The following KCNH1 variants were observed in gnomAD, a reference collection of about 807,000 sequenced individuals.
KCNH1 encodes potassium voltage-gated channel subfamily H member 1.
In KCNH1, 27 loss-of-function variants were observed where a neutral mutation model predicts 69.2. The ratio of observed to expected loss-of-function variants is 0.39; its 90% CI spans 0.29 to 0.54. KCNH1 has a LOEUF of 0.54. Among genes scored for constraint, KCNH1 ranks in the 20% least tolerant of loss-of-function variants. The pLI is 0.68. For synonymous variants in KCNH1, 456 were observed against 487.7 expected (o/e 0.93, Z 0.86); for missense variants, 798 against 1,261.6 (o/e 0.63, Z 5.57).
intron 7 of KCNH1, among the ~76,000 whole-genome samples, chr1:210,914,123 C>G (rs1397276927): frequency 6.6e-6 from 1 of 152,108 alleles, no homozygotes; most frequent in Non-Finnish European, 1.5e-5. Context: ...TTTGTTGATG[C>G]CACTTTTGGT....
chr1:210,980,416 A>C lies in KCNH1; in HGVS notation c.1032+38367T>G, dbSNP rs535055953. On this transcript the variant is annotated intron_variant, in intron 6 of 10. Transcript: ENST00000271751. Reference sequence around the variant, plus strand: ...TAACTTGCCCTAACAGGAGATTTACAGGCAGCATGATATTGAGAGCCTGAT... The same window carrying C: ...TAACTTGCCCTAACAGGAGATTTACCGGCAGCATGATATTGAGAGCCTGAT... Among the ~76,000 whole-genome samples the C allele has an allele frequency of 6.6e-5, 10 of 152,318 alleles. No individual in the cohort carries two copies. The South Asian group carries it at 1.9e-3, about 28-fold the overall frequency.
At chr1:210,719,576 A>G (rs1819677) in intron 10 of KCNH1, among the ~76,000 whole-genome samples, 32,713 of 151,936 alleles carry the variant, frequency 0.22, 4,390 homozygotes, top group African/African-American at 0.38. Flanking sequence ...GGAGAGCATT[A>G]GGACAAATAC....
intron 6 of KCNH1, among the ~76,000 whole-genome samples, chr1:210,983,183 T>C (rs772977336): frequency 6.6e-5 from 10 of 152,196 alleles, no homozygotes; most frequent in African/African-American, 2.2e-4. Context: ...ATTTGTCAGA[T>C]GAGTAGATTG....
intron 7 of KCNH1, among the ~76,000 whole-genome samples, chr1:210,832,721 A>G (rs924216368): frequency 1.2e-4 from 18 of 151,996 alleles, no homozygotes; most frequent in African/African-American, 4.3e-4. Flanking sequence ...AATTCTTTAT[A>G]CTTGACAGAG....
At chr1:210,890,602 C>A (rs1177994559) in intron 7 of KCNH1, among the ~76,000 whole-genome samples, 1 of 152,074 alleles carries the variant, frequency 6.6e-6, no homozygotes, top group Non-Finnish European at 1.5e-5. Flanking sequence ...TCAGAGTGAA[C>A]TGGCACCCTA....
rs1229494800 is a variant in KCNH1 at position 210,873,144 on chromosome 1, G to T, written c.1462+46496C>A. Among the ~76,000 whole-genome samples the T allele has an allele frequency of 2.0e-5, 3 of 152,060 alleles. No homozygotes were observed. The East Asian group carries it at 5.8e-4, about 29-fold the overall frequency. On this transcript the variant is annotated intron_variant, in intron 7 of 10. Coordinates refer to ENST00000271751, the MANE Select transcript of KCNH1 (RefSeq NM_172362.3). ...CTACTGGTGGTAGATTAAATTACAG[G>T]TATTACTTCTTGCTTCCCCTAAGCA...
intron 7 of KCNH1, among the ~76,000 whole-genome samples, chr1:210,841,664 C>T (rs1685413797): frequency 1.3e-5 from 2 of 152,130 alleles, no homozygotes; most frequent in Admixed American, 1.3e-4. Context: ...GGAATAATCA[C>T]TGCTATTATT....
chr1:210,822,004 A>G (rs1270446914), intron 7 of KCNH1, among the ~76,000 whole-genome samples: 1 of 151,814 alleles, frequency 6.6e-6, no homozygotes, highest in Non-Finnish European at 1.5e-5. Flanking sequence ...GCCCAGCTCT[A>G]TCTCTTCATT....
At chr1:211,014,761 T>C (rs1396779634) in intron 6 of KCNH1, among the ~76,000 whole-genome samples, 2 of 152,208 alleles carry the variant, frequency 1.3e-5, no homozygotes, top group African/African-American at 2.4e-5. Flanking sequence ...GCTCCACATG[T>C]ATTTTTTTAT....
Position 210,775,536 on chromosome 1 carries a change from C to T in KCNH1, c.1924G>A (p.Asp642Asn). 6.2e-7 allele frequency: 1 copy of T among 1,613,462 alleles called. No individual in the cohort carries two copies. The highest frequency in any genetic ancestry group is 8.5e-7 in the Non-Finnish European group (1 of 1,179,604). The change falls in exon 10 of 11, where the codon GAC becomes AAC. Residue 642 changes from aspartate to asparagine, a missense_variant. Around this residue, in one of 4 missense-constraint regions of KCNH1, gnomAD observed 197 missense variants for 407.7 expected, o/e 0.48. Coordinates refer to ENST00000271751, the MANE Select transcript of KCNH1 (RefSeq NM_172362.3). ...TTCCAGAACACATCTCCAAACACGT[C>T]TCCTTTTCCTAAGGAGAGAAGGTTG... ...DEVVAILGKG[D>N]VFGDVFWKEA...
intron 5 of KCNH1, among the ~76,000 whole-genome samples, chr1:211,025,725 C>T (rs1462530776): frequency 1.3e-5 from 2 of 152,242 alleles, no homozygotes; most frequent in East Asian, 3.9e-4. Flanking sequence ...CCCCTCCTGG[C>T]TTCGACAGAA....
chr1:210,741,381 G>A (rs1683027777), intron 10 of KCNH1, among the ~76,000 whole-genome samples: 3 of 152,142 alleles, frequency 2.0e-5, no homozygotes, highest in Non-Finnish European at 4.4e-5. Flanking sequence ...GAGTGCAGGA[G>A]GACCCAGGCC....
intron 3 of KCNH1, among the ~76,000 whole-genome samples, chr1:211,096,047 CTTTATTTA>C (rs536254644): frequency 2.1e-4 from 26 of 125,140 alleles, no homozygotes; most frequent in East Asian, 7.9e-4. Context: ...AAAAGTATCA[CTTTATTTA>C]TTTATTTATT....
At chr1:210,963,269 A>G (rs1243037785) in intron 6 of KCNH1, among the ~76,000 whole-genome samples, 1 of 152,100 alleles carries the variant, frequency 6.6e-6, no homozygotes, top group Non-Finnish European at 1.5e-5. Flanking sequence ...CCACGCAGAA[A>G]CCCTGTCCGA....
intron 7 of KCNH1, chr1:210,859,144 C>T: frequency 2.2e-6 from 3 of 1,333,868 alleles, no homozygotes; most frequent in Non-Finnish European, 3.2e-6. Context: ...CTCTTCACTA[C>T]AATCACACAG....
intron 7 of KCNH1, among the ~76,000 whole-genome samples, chr1:210,839,191 A>C (rs1685353680): frequency 6.6e-6 from 1 of 152,256 alleles, no homozygotes; most frequent in African/African-American, 2.4e-5. Context: ...TGGATAAAGA[A>C]AATGTGGTAC....
At chr1:211,034,928 G>C (rs563134682) in intron 5 of KCNH1, among the ~76,000 whole-genome samples, 1 of 152,224 alleles carries the variant, frequency 6.6e-6, no homozygotes, top group South Asian at 2.1e-4. Context: ...AAAGAAAAAT[G>C]GCTCTTCTGT....
At chr1:210,971,059 C>T (rs1375178731) in intron 6 of KCNH1, among the ~76,000 whole-genome samples, 1 of 152,120 alleles carries the variant, frequency 6.6e-6, no homozygotes, top group African/African-American at 2.4e-5. Context: ...CATCACTGAT[C>T]ATTAGAGAAA....
chr1:211,113,522 A>G (rs1033679373), intron 1 of KCNH1, among the ~76,000 whole-genome samples: 1 of 152,160 alleles, frequency 6.6e-6, no homozygotes, highest in East Asian at 1.9e-4. Context: ...TGTGCTGGCC[A>G]ATTTCTATAA....
Sources: gnomAD v4.1 joint callset for allele counts (sites outside exome capture counted in the v4.1 genomes callset) on GRCh38, gnomAD v4.1.1 for gene constraint, gnomAD v4.1.1 regional missense constraint, MANE v1.5 for transcripts, NCBI Gene and HGNC (gene_info 2026-07-23, HGNC 2026-07-21) for gene names.